Variants in EFCAB8 observed in about 807,000 individuals in gnomAD.
The protein encoded by EFCAB8 is EF-hand calcium binding domain 8.
Under a neutral mutation model 116.3 loss-of-function variants are expected in EFCAB8, and 100 were observed. That is an observed-to-expected ratio of 0.86 (90% CI 0.73 to 1.02). The LOEUF is 1.02. Ranked by LOEUF, EFCAB8 falls within the 50% of genes least tolerant of loss-of-function variation. The pLI is 0.00. For synonymous variants in EFCAB8, 558 were observed against 567.9 expected (o/e 0.98, Z 0.25); for missense variants, 1,320 against 1,416.9 (o/e 0.93, Z 1.10).
chr20:32,954,839 A>G (rs1396172532), intron 23 of EFCAB8, among the ~76,000 whole-genome samples: 1 of 152,212 alleles, frequency 6.6e-6, no homozygotes, highest in East Asian at 1.9e-4. Flanking sequence ...GGTAAATTAC[A>G]TTTTTTGAAT....
chr20:32,928,976 G>T (rs772979924), intron 20 of EFCAB8, among the ~76,000 whole-genome samples: 2 of 151,236 alleles, frequency 1.3e-5, no homozygotes, highest in African/African-American at 2.4e-5. Context: ...TGTGAAGGTG[G>T]TATATTTATT....
At chr20:32,889,594 A>G (rs988004897) in intron 7 of EFCAB8, among the ~76,000 whole-genome samples, 188 bp downstream of exon 7, 4 of 152,124 alleles carry the variant, frequency 2.6e-5, no homozygotes, top group Non-Finnish European at 5.9e-5. Flanking sequence ...GAATACAGTG[A>G]TGTTGAACAG....
At chr20:32,881,672 G>A (rs1449466297) in intron 5 of EFCAB8, among the ~76,000 whole-genome samples, 1 of 152,164 alleles carries the variant, frequency 6.6e-6, no homozygotes, top group Non-Finnish European at 1.5e-5. Context: ...CAGCCACTGT[G>A]CCTATCTGGA....
intron 23 of EFCAB8, among the ~76,000 whole-genome samples, chr20:32,953,856 G>A (rs1169340905): frequency 2.0e-5 from 3 of 152,162 alleles, no homozygotes; most frequent in African/African-American, 7.2e-5. Context: ...TGTTACCCAG[G>A]CTGGAGTGCA....
Position 32,867,465 on chromosome 20 carries a change from CATA to C in EFCAB8, c.43-115_43-113del, listed in dbSNP as rs1984482818. On this transcript the variant is annotated intron_variant, in intron 2 of 26. Transcript: ENST00000400522. Reference sequence around the variant, plus strand: ...AATTCTGTATTTCTGTCAGTGACATCATAACACTACTTACCTTGTTCTTTCTCA... The same window carrying C: ...AATTCTGTATTTCTGTCAGTGACATCACACTACTTACCTTGTTCTTTCTCA... 3 of 1,145,142 alleles carry C rather than the reference CATA, an allele frequency of 2.6e-6. No individual in the cohort carries two copies. In the African/African-American group the frequency reaches 4.7e-5, roughly 18 times the overall value. The allele number at this position is 1,145,142 out of a possible 1,614,324, so 70.9% of individuals were successfully genotyped here.
rs1434734603 is a variant in EFCAB8, at chr20:32,867,730, A to C, written c.191A>C (p.Asp64Ala). The C allele has an allele frequency of 2.6e-6, 4 of 1,551,436 alleles. No homozygotes were observed. The highest frequency in any genetic ancestry group is 1.7e-6 in the Non-Finnish European group (2 of 1,147,010). Reference sequence around the variant, plus strand: ...AAGATAGAGAAAATGTTTGAGGAGGACATCAACTCGACTGGAGGTAAGGCC... The same window carrying C: ...AAGATAGAGAAAATGTTTGAGGAGGCCATCAACTCGACTGGAGGTAAGGCC... ...LAKIEKMFEE[D>A]INSTGALGMD... The change falls in exon 3 of 27, where the codon GAC (aspartate) becomes GCC (alanine). Residue 64 changes from aspartate (D) to alanine (A), a missense_variant. Coordinates refer to ENST00000400522, the MANE Select transcript of EFCAB8 (RefSeq NM_001143967.2).
At position 32,959,823 on chromosome 20, in the gene EFCAB8, G is replaced by T; in HGVS notation, c.3135G>T (p.Glu1045Asp). ...AGGCCCTGATATACCAGCGGCGAGA[G>T]CAGGCGGCGCTGATGGCTCTCCTGC... The part of the protein sequence containing the change: ...LAEALIYQRR[E>D]QAALMALLHG... Residue 1045 changes from glutamate (E) to aspartate (D), a missense_variant, in exon 25 of 27, where the codon GAG becomes GAT. Transcript: ENST00000400522. The T allele has an allele frequency of 6.5e-7, 1 of 1,535,920 alleles. No homozygotes were observed. Among genetic ancestry groups the T allele is most frequent in the South Asian group, 1.2e-5 (1 of 81,822 alleles).
Position 32,877,602 on chromosome 20 carries a change from C to T in EFCAB8, c.328-1102C>T, listed in dbSNP as rs564593602. Among the ~76,000 whole-genome samples the T allele has an allele frequency of 6.6e-5, 10 of 152,360 alleles. 1 individual carries two copies. Among genetic ancestry groups the T allele is most frequent in the African/African-American group, 1.2e-4 (5 of 41,584 alleles). On this transcript the variant is annotated intron_variant, in intron 4 of 26. Transcript: ENST00000400522. ...AGAATAAAAAGCAATTTAACCCCCT[C>T]GCATTCCTAGCATTCTCAGGGCTTT... is the stretch of plus-strand genomic sequence containing the variant.
At chr20:32,884,595 G>A (rs1985511496) in intron 5 of EFCAB8, among the ~76,000 whole-genome samples, 1 of 152,236 alleles carries the variant, frequency 6.6e-6, no homozygotes, top group Admixed American at 6.5e-5. Context: ...AGTGGCTTGG[G>A]TTATCCTTAA....
At chr20:32,870,752 TC>T (rs1984642602) in intron 3 of EFCAB8, among the ~76,000 whole-genome samples, 1 of 152,200 alleles carries the variant, frequency 6.6e-6, no homozygotes, top group African/African-American at 2.4e-5. Context: ...TCCTTCTGCC[TC>T]TGCCTCCCAA....
At chr20:32,931,532 G>C (rs1210323000) in intron 22 of EFCAB8, among the ~76,000 whole-genome samples, 196 bp downstream of exon 22, 1 of 152,186 alleles carries the variant, frequency 6.6e-6, no homozygotes. Context: ...GCTGAGGCGG[G>C]TGGATCACGA....
chr20:32,909,761 C>A, intron 14 of EFCAB8, 60 bp from the exon 15 acceptor site: 4 of 888,524 alleles, frequency 4.5e-6, no homozygotes, highest in Non-Finnish European at 6.1e-6. Flanking sequence ...CCCGGCAGCC[C>A]ATCACTGTGA....
At chr20:32,935,188 C>CTTCTTTTTTTTT (rs1425422102) in intron 22 of EFCAB8, among the ~76,000 whole-genome samples, 1 of 66,916 alleles carries the variant, frequency 1.5e-5, no homozygotes, top group Non-Finnish European at 2.7e-5. Flanking sequence ...TTCTTTCTTT[C>CTTCTTTTTTTTT]TTTCTTTTTT....
chr20:32,867,796 C>A, intron 3 of EFCAB8, 49 bp downstream of exon 3: 1 of 1,532,242 alleles, frequency 6.5e-7, no homozygotes, highest in Non-Finnish European at 8.8e-7. Flanking sequence ...TGCAACAGGG[C>A]AGGACCGAGT....
rs746980769 is a variant in EFCAB8 at position 32,917,285 on chromosome 20, C to G, written c.1857-16C>G. 6.5e-7 allele frequency: 1 copy of G among 1,542,662 alleles called. No individual in the cohort carries two copies. The highest frequency in any genetic ancestry group is 1.2e-5 in the South Asian group (1 of 83,686). On this transcript the variant is annotated splice_polypyrimidine_tract_variant and intron_variant, in intron 17 of 26. Coordinates refer to ENST00000400522, the MANE Select transcript of EFCAB8 (RefSeq NM_001143967.2). ...GGCTGAGCTCTCAGCCCTCCTGCCT[C>G]TGGCCATATGCACAGGTTCCACAAG... is the stretch of plus-strand genomic sequence containing the variant.
intron 2 of EFCAB8, among the ~76,000 whole-genome samples, chr20:32,865,734 G>A (rs2146167727): frequency 6.6e-6 from 1 of 151,968 alleles, no homozygotes; most frequent in African/African-American, 2.4e-5. Flanking sequence ...AGGAGGCAGA[G>A]GTTGCAGTGA....
In EFCAB8 at chr20:32,943,360, A is replaced by G. The variant is rs1449733599; in HGVS notation, c.2791-276A>G. 2.0e-5 allele frequency among the ~76,000 whole-genome samples: 3 copies of G among 152,252 alleles called. No individual in the cohort carries two copies. In the East Asian group the frequency reaches 5.8e-4, roughly 29 times the overall value. ...TAAACAATGTAGTCATATGCAAGTCATATGCAAGTCATATGTAGTCAGCTT... is the reference window on the plus strand; with the variant it reads ...TAAACAATGTAGTCATATGCAAGTCGTATGCAAGTCATATGTAGTCAGCTT... On this transcript the variant is annotated intron_variant, in intron 22 of 26. Transcript: ENST00000400522.
chr20:32,893,432 C>CG, intron 9 of EFCAB8, 134 bp downstream of exon 9: 1 of 1,320,938 alleles, frequency 7.6e-7, no homozygotes, highest in Non-Finnish European at 1.0e-6. Context: ...TGCTTCCAAG[C>CG]GCAGGGTGCA....
intron 22 of EFCAB8, among the ~76,000 whole-genome samples, chr20:32,942,889 G>C (rs1988449450): frequency 6.6e-6 from 1 of 152,022 alleles, no homozygotes; most frequent in South Asian, 2.1e-4. Context: ...CATGTTTTCT[G>C]TTACCACTCT....
Sources: gnomAD v4.1 joint callset for allele counts (sites outside exome capture counted in the v4.1 genomes callset) on GRCh38, gnomAD v4.1.1 for gene constraint, MANE v1.5 for transcripts, NCBI Gene and HGNC (gene_info 2026-07-23, HGNC 2026-07-21) for gene names.